The following PCSK1 variants were observed in gnomAD, a reference collection of about 807,000 sequenced individuals.
PCSK1 encodes neuroendocrine convertase 1.
A neutral mutation model predicts 90.6 loss-of-function variants in PCSK1; 56 were observed. That is an observed-to-expected ratio of 0.62 (90% CI 0.50 to 0.77). The LOEUF is 0.77. Among genes scored for constraint, PCSK1 ranks in the 30% least tolerant of loss-of-function variants. The pLI, the probability that PCSK1 is intolerant of heterozygous loss-of-function variation, is 0.00. For missense variants in PCSK1, 801 were observed against 932.6 expected, an observed-to-expected ratio of 0.86 and a Z score of 1.84; for synonymous variants, 348 against 342.4, an observed-to-expected ratio of 1.02 and a Z score of -0.18.
Position 96,423,373 on chromosome 5 carries a change from A to G in PCSK1, c.483T>C (p.Val161=). 6.2e-7 allele frequency: 1 copy of G among 1,613,976 alleles called. No individual in the cohort carries two copies. Among genetic ancestry groups the G allele is most frequent in the Non-Finnish European group, 8.5e-7 (1 of 1,179,944 alleles). Residue 161 remains valine, a synonymous_variant, in exon 4 of 14, where the codon GTT becomes GTC. Transcript: ENST00000311106. ...AACCATCATCCAGTACGGTGATAAC[A>G]ACTCCTTTGCCCGTAATGCCTTTTT... ...VWQKGITGKG[V]VITVLDDGLE...
chr5:96,426,951 A>C (rs1313561772), intron 2 of PCSK1, among the ~76,000 whole-genome samples: 1 of 152,196 alleles, frequency 6.6e-6, no homozygotes, highest in Non-Finnish European at 1.5e-5. Flanking sequence ...ACTATGATTT[A>C]TTTTTAAAGT....
At chr5:96,426,194 G>A (rs1045502406) in intron 2 of PCSK1, among the ~76,000 whole-genome samples, 1 of 152,126 alleles carries the variant, frequency 6.6e-6, no homozygotes, top group African/African-American at 2.4e-5. Context: ...TTTACATTGT[G>A]GTTACAGTGG....
chr5:96,411,031 G>A (rs1177338720), intron 7 of PCSK1, 45 bp from the exon 8 acceptor site: 1 of 1,371,666 alleles, frequency 7.3e-7, no homozygotes, highest in South Asian at 1.2e-5. Context: ...TCATCTATTG[G>A]GGTCATTGTT....
At chr5:96,397,542 T>G in intron 11 of PCSK1, 73 bp from the exon 12 acceptor site, 1 of 1,391,110 alleles carries the variant, frequency 7.2e-7, no homozygotes, top group Non-Finnish European at 1.0e-6. Context: ...ATCTGATAAC[T>G]GAAAATAAAA....
intron 9 of PCSK1, among the ~76,000 whole-genome samples, chr5:96,400,862 C>T (rs1338099565): frequency 1.5e-5 from 2 of 132,954 alleles, no homozygotes; most frequent in South Asian, 2.4e-4. Context: ...CCGAGGCGGG[C>T]GGATCACAAG....
At chr5:96,413,054 C>T (rs900535569) in intron 6 of PCSK1, 1 of 649,946 alleles carries the variant, frequency 1.5e-6, no homozygotes, top group Non-Finnish European at 1.9e-6. Flanking sequence ...AAGATCTAGT[C>T]ACAACAGGAA....
At chr5:96,400,403 T>A (rs1760315247) in intron 9 of PCSK1, among the ~76,000 whole-genome samples, 1 of 152,214 alleles carries the variant, frequency 6.6e-6, no homozygotes, top group Non-Finnish European at 1.5e-5. Flanking sequence ...AGTTATGACT[T>A]CTCTCCAGAG....
chr5:96,397,291 T>G, intron 12 of PCSK1, 45 bp downstream of exon 12: 1 of 1,580,220 alleles, frequency 6.3e-7, no homozygotes, highest in Non-Finnish European at 8.7e-7. Flanking sequence ...CTTCAAAATG[T>G]TTAAAAGTAA....
chr5:96,426,030 G>C, intron 2 of PCSK1, 100 bp from the exon 3 acceptor site: 1 of 732,466 alleles, frequency 1.4e-6, no homozygotes, highest in Non-Finnish European at 2.4e-6. Flanking sequence ...AGTTCAGGCA[G>C]CTCTGCAATA....
chr5:96,425,987 T>C (rs1761295590), intron 2 of PCSK1, 57 bp from the exon 3 acceptor site: 1 of 931,526 alleles, frequency 1.1e-6, no homozygotes, highest in African/African-American at 1.6e-5. Flanking sequence ...TCTGTATACT[T>C]CCTCTAACTA....
chr5:96,407,512 A>G (rs1760613718), intron 9 of PCSK1, among the ~76,000 whole-genome samples: 1 of 152,232 alleles, frequency 6.6e-6, no homozygotes, highest in African/African-American at 2.4e-5. Context: ...AAAATGGTAT[A>G]GTCATTCAAG....
chr5:96,420,948 C>T (rs981656783), intron 5 of PCSK1, among the ~76,000 whole-genome samples: 1 of 152,208 alleles, frequency 6.6e-6, no homozygotes, highest in Non-Finnish European at 1.5e-5. Flanking sequence ...CTTGTAGCAA[C>T]AAGCCCTAAT....
intron 5 of PCSK1, 45 bp from the exon 6 acceptor site, chr5:96,416,166 A>C: frequency 1.5e-6 from 2 of 1,344,284 alleles, no homozygotes; most frequent in East Asian, 2.3e-5. Context: ...AGAAGAACAA[A>C]CATTTGTTTT....
At chr5:96,412,918 G>T in intron 6 of PCSK1, 2 of 332,894 alleles carry the variant, frequency 6.0e-6, no homozygotes, top group Non-Finnish European at 8.1e-6. Context: ...CTAAATGACA[G>T]ACCAGCTTTC....
intron 8 of PCSK1, among the ~76,000 whole-genome samples, chr5:96,409,825 C>A (rs777917881): frequency 6.6e-6 from 1 of 152,162 alleles, no homozygotes; most frequent in Admixed American, 6.5e-5. Flanking sequence ...AGAAGCAGGC[C>A]CACACTTCTA....
intron 7 of PCSK1, among the ~76,000 whole-genome samples, chr5:96,411,784 A>G (rs1221291644): frequency 6.6e-6 from 1 of 152,208 alleles, no homozygotes; most frequent in Non-Finnish European, 1.5e-5. Context: ...TCAACCTCAG[A>G]CCCAAATAGG....
At chr5:96,397,802 A>C (rs1279985532) in intron 11 of PCSK1, among the ~76,000 whole-genome samples, 1 of 151,494 alleles carries the variant, frequency 6.6e-6, no homozygotes, top group Non-Finnish European at 1.5e-5. Flanking sequence ...TGAATTAGAG[A>C]GTCAAAAATC....
chr5:96,421,993 TAAAAAAAAA>T lies in PCSK1; in HGVS notation c.544-46_544-38del, dbSNP rs11317408. Reference sequence around the variant, plus strand: ...ACAAAATATAACACTGTGGCAGCATTAAAAAAAAAAAAAAAAAAAAAAAAAAGCATCACT... The same window carrying T: ...ACAAAATATAACACTGTGGCAGCATTAAAAAAAAAAAAAAAAAGCATCACT... On this transcript the variant is annotated intron_variant, in intron 4 of 13. Transcript: ENST00000311106. 0.072 allele frequency: 25,316 copies of T among 349,928 alleles called. 37 individuals carry two copies. The highest frequency in any genetic ancestry group is 0.083 in the East Asian group (1,395 of 16,882). The allele number at this position is 349,928 out of a possible 1,614,324, so 21.7% of individuals were successfully genotyped here.
intron 5 of PCSK1, among the ~76,000 whole-genome samples, chr5:96,419,492 G>T (rs562265163): frequency 6.7e-6 from 1 of 150,364 alleles, no homozygotes; most frequent in African/African-American, 2.4e-5. Context: ...CAAGGAAGTA[G>T]AGATTCTTTT....
Sources: allele counts gnomAD v4.1 joint callset (sites outside exome capture counted in the v4.1 genomes callset), GRCh38; gene constraint gnomAD v4.1.1; transcripts MANE v1.5; gene names NCBI Gene and HGNC (gene_info 2026-07-23, HGNC 2026-07-21).